CLIC5: variants seen among roughly 807,000 people sequenced by gnomAD.
CLIC5 encodes CLIC family member 5, also known as chloride intracellular channel protein 5.
CLIC5 carries 20 observed loss-of-function variants against 24.7 expected under a neutral mutation model. That is an observed-to-expected ratio of 0.81 (90% confidence interval 0.57 to 1.18). The LOEUF is 1.18. CLIC5 is among the 50% of genes most tolerant of loss of function. CLIC5 has a pLI of 0.00. For synonymous variants in CLIC5, 159 were observed against 135.6 expected (o/e 1.17, Z -1.20); for missense variants, 341 against 326.1 (o/e 1.05, Z -0.35).
In CLIC5 at chr6:45,928,799, G is replaced by GT. The variant is rs2127346918; in HGVS notation, c.406+12747_406+12748insA. On this transcript the variant is annotated intron_variant, in intron 4 of 5. Coordinates refer to ENST00000339561, the MANE Select transcript of CLIC5 (RefSeq NM_016929.5). Reference sequence around the variant, plus strand: ...GTGTGTGTGTGTGTGTGTGTGTAGAGAGAGAGAGATTGAGAAACGTATTTG... The same window carrying GT: ...GTGTGTGTGTGTGTGTGTGTGTAGAGTAGAGAGAGATTGAGAAACGTATTTG... Among the ~76,000 whole-genome samples, 4 of 122,896 alleles carry GT rather than the reference G, an allele frequency of 3.3e-5. No homozygotes were observed. The South Asian group carries it at 9.4e-4, about 29-fold the overall frequency. The allele number at this position is 122,896 out of a possible 152,430, so 80.6% of individuals were successfully genotyped here.
At chr6:45,957,159 CTGG>C (rs1159650203) in intron 1 of CLIC5, among the ~76,000 whole-genome samples, 1 of 152,056 alleles carries the variant, frequency 6.6e-6, no homozygotes, top group Non-Finnish European at 1.5e-5. Context: ...CTGTTTTCCT[CTGG>C]TGGTGGTGGT....
chr6:46,105,030 G>A, the CLIC5 span, among the ~76,000 whole-genome samples: 2 of 152,088 alleles, frequency 1.3e-5, no homozygotes, highest in Non-Finnish European at 1.5e-5. Flanking sequence ...GGCATTTATT[G>A]GTCCTTTTCT....
At chr6:45,980,999 C>G (rs906686921) in intron 1 of CLIC5, among the ~76,000 whole-genome samples, 1 of 152,142 alleles carries the variant, frequency 6.6e-6, no homozygotes, top group Admixed American at 6.6e-5. Context: ...GAGACAAGAT[C>G]TCTCTCTGTA....
chr6:46,018,337 C>T (rs912145267), upstream of CLIC5, among the ~76,000 whole-genome samples: 1 of 152,134 alleles, frequency 6.6e-6, no homozygotes, highest in African/African-American at 2.4e-5. Flanking sequence ...AATCCCAAAC[C>T]TATCAGAGTT....
chr6:45,969,946 C>T (rs553823615), intron 1 of CLIC5, among the ~76,000 whole-genome samples: 8 of 152,038 alleles, frequency 5.3e-5, no homozygotes, highest in Admixed American at 1.3e-4. Context: ...CTTCTTCTCC[C>T]GCCTAGGGTG....
chr6:46,124,857 C>G, the CLIC5 span, among the ~76,000 whole-genome samples: 1 of 152,166 alleles, frequency 6.6e-6, no homozygotes, highest in Non-Finnish European at 1.5e-5. Context: ...CAGAGAAGTG[C>G]AAATCAAAAC....
rs1012092679 is a variant in CLIC5 at position 45,969,960 on chromosome 6, G to A, written c.64-14716C>T. Among the ~76,000 whole-genome samples, 6 of 152,212 alleles carry A rather than the reference G, an allele frequency of 3.9e-5. No homozygotes were observed. The South Asian group carries it at 1.2e-3, about 32-fold the overall frequency. Reference sequence around the variant, plus strand: ...CCTTCTTCTCCCGCCTAGGGTGATTGGGAGGATTAGGGGAGATAACACAAG... The same window carrying A: ...CCTTCTTCTCCCGCCTAGGGTGATTAGGAGGATTAGGGGAGATAACACAAG... On this transcript the variant is annotated intron_variant, in intron 1 of 5. Coordinates refer to ENST00000339561, the MANE Select transcript of CLIC5 (RefSeq NM_016929.5).
upstream of CLIC5, among the ~76,000 whole-genome samples, chr6:46,082,866 G>T (rs1360491469): frequency 6.6e-6 from 1 of 151,758 alleles, no homozygotes; most frequent in African/African-American, 2.4e-5. Flanking sequence ...TATTTTTTAT[G>T]TCTAGAGGTT....
chr6:46,042,012 T>C (rs774639296), intron 1 of CLIC5, among the ~76,000 whole-genome samples: 16 of 152,214 alleles, frequency 1.1e-4, no homozygotes, highest in South Asian at 4.1e-4. Context: ...AGTTTCATTA[T>C]CTATATAATG....
intron 4 of CLIC5, among the ~76,000 whole-genome samples, chr6:45,925,516 C>T (rs950288802): frequency 6.6e-6 from 1 of 152,100 alleles, no homozygotes; most frequent in African/African-American, 2.4e-5. Context: ...TGGGTTTCAC[C>T]ATATTGGCCA....
intron 1 of CLIC5, among the ~76,000 whole-genome samples, chr6:46,079,264 T>A (rs933362735): frequency 4.6e-5 from 7 of 152,184 alleles, no homozygotes; most frequent in Non-Finnish European, 1.0e-4. Context: ...GAGATAGCCT[T>A]TATTGACCAC....
intron 5 of CLIC5, among the ~76,000 whole-genome samples, chr6:45,903,661 T>G (rs1433119459): frequency 6.6e-6 from 1 of 152,186 alleles, no homozygotes; most frequent in African/African-American, 2.4e-5. Flanking sequence ...ACATTAAAAA[T>G]GATGCTGCTA....
At chr6:46,042,541 C>T (rs188425516) in intron 1 of CLIC5, among the ~76,000 whole-genome samples, 2 of 151,908 alleles carry the variant, frequency 1.3e-5, no homozygotes, top group Admixed American at 6.6e-5. Context: ...TACTCCAGCA[C>T]GTCACACATC....
At chr6:45,954,273 A>G (rs1454926704) in intron 2 of CLIC5, among the ~76,000 whole-genome samples, 6 of 65,048 alleles carry the variant, frequency 9.2e-5, no homozygotes, top group African/African-American at 5.6e-4. Context: ...ACTCTGTCTC[A>G]AAAAAAAAAA....
chr6:45,950,378 T>A (rs1044681530), intron 2 of CLIC5, among the ~76,000 whole-genome samples: 1 of 149,224 alleles, frequency 6.7e-6, no homozygotes, highest in Non-Finnish European at 1.5e-5. Flanking sequence ...CTGGGCAACA[T>A]AGCAAGACCC....
At chr6:46,121,873 A>C in the CLIC5 span, among the ~76,000 whole-genome samples, 2 of 152,220 alleles carry the variant, frequency 1.3e-5, no homozygotes, top group African/African-American at 4.8e-5. Flanking sequence ...TTCAACAAGA[A>C]GAGCTAACTA....
intron 1 of CLIC5, among the ~76,000 whole-genome samples, chr6:45,965,471 T>A (rs1428068650): frequency 6.6e-6 from 1 of 152,176 alleles, no homozygotes; most frequent in Non-Finnish European, 1.5e-5. Flanking sequence ...AGCCTTTGTG[T>A]TCTCTCAACA....
At chr6:45,943,742 G>T (rs966103703) in intron 3 of CLIC5, among the ~76,000 whole-genome samples, 2 of 152,208 alleles carry the variant, frequency 1.3e-5, no homozygotes, top group Admixed American at 1.3e-4. Flanking sequence ...AAACAGGGAT[G>T]TGTGGTACCA....
intron 1 of CLIC5, among the ~76,000 whole-genome samples, chr6:45,965,794 A>T (rs1311932820): frequency 6.6e-6 from 1 of 152,070 alleles, no homozygotes; most frequent in Non-Finnish European, 1.5e-5. Context: ...CTCTCTTGAC[A>T]TTTTTCTTAT....
Sources: allele counts gnomAD v4.1 joint callset (sites outside exome capture counted in the v4.1 genomes callset), GRCh38; gene constraint gnomAD v4.1.1; transcripts MANE v1.5; gene names NCBI Gene and HGNC (gene_info 2026-07-23, HGNC 2026-07-21).